The following COL18A1 variants were observed in gnomAD, a reference collection of about 807,000 sequenced individuals.
COL18A1 encodes collagen type XVIII alpha 1 chain.
Under a neutral mutation model 168.0 loss-of-function variants are expected in COL18A1, and 133 were observed. The ratio of observed to expected loss-of-function variants is 0.79; its 90% CI spans 0.69 to 0.91. The LOEUF (loss-of-function observed/expected upper bound fraction) is 0.91, where lower values mean the gene tolerates loss of function less well. Ranked by LOEUF, COL18A1 falls within the 40% of genes least tolerant of loss-of-function variation. COL18A1 has a pLI of 0.00. For synonymous variants in COL18A1, 949 were observed against 809.0 expected (o/e 1.17, Z -2.94); for missense variants, 2,126 against 1,925.4 (o/e 1.10, Z -1.95).
intron 2 of COL18A1, among the ~76,000 whole-genome samples, chr21:45,458,652 A>AGT (rs2034932268): frequency 1.3e-5 from 2 of 152,010 alleles, no homozygotes; most frequent in South Asian, 4.2e-4. Context: ...GACTGGAGGG[A>AGT]CCCGGGTCCG....
At chr21:45,501,465 A>G (rs1186672720) in intron 32 of COL18A1, among the ~76,000 whole-genome samples, 1 of 152,136 alleles carries the variant, frequency 6.6e-6, no homozygotes, top group Non-Finnish European at 1.5e-5. Flanking sequence ...TGACCCCACG[A>G]GTGCAGTAGA....
intron 2 of COL18A1, among the ~76,000 whole-genome samples, chr21:45,450,478 C>T (rs1010095493): frequency 6.6e-6 from 1 of 152,224 alleles, no homozygotes; most frequent in African/African-American, 2.4e-5. Flanking sequence ...TTGGGGCCTT[C>T]AGCCCGGAAA....
intron 14 of COL18A1, 51 bp from the exon 15 acceptor site, chr21:45,482,744 C>A: frequency 6.2e-7 from 1 of 1,614,146 alleles, no homozygotes; most frequent in Middle Eastern, 1.6e-4. Flanking sequence ...CTTCCTCTGT[C>A]CACTGTGCTG....
In COL18A1 at chr21:45,480,783, C is replaced by T. The variant is rs1442957264; in HGVS notation, c.1536C>T (p.Ser512=). The part of the protein sequence containing the change: ...PGEPGRFGVN[S]SDVPGPAGLP... ...AGCCAGGCCGCTTTGGGGTGAACAG[C>T]TCCGACGTCCCAGGACCCGCCGGCC... Residue 512 remains serine, a synonymous_variant, in exon 13 of 42, where the codon AGC becomes AGT. Coordinates refer to ENST00000651438, the MANE Select transcript of COL18A1 (RefSeq NM_001379500.1). The T allele has an allele frequency of 1.9e-6, 3 of 1,611,400 alleles. No homozygotes were observed. Among genetic ancestry groups the T allele is most frequent in the South Asian group, 2.2e-5 (2 of 91,062 alleles).
chr21:45,504,505 C>A lies in COL18A1; in HGVS notation c.2817C>A (p.Gly939=). 3 of 1,390,270 alleles carry A rather than the reference C, an allele frequency of 2.2e-6. No homozygotes were observed. The highest frequency in any genetic ancestry group is 2.2e-4 in the Middle Eastern group (1 of 4,628). 86.1% of individuals were successfully genotyped at this position (1,390,270 alleles called of 1,614,324 possible). ...GTTTCTTCGGCTCCAGCCTGCCCGG[C>A]CCCCCCGGCCCCCCAGGCCCCCCAG... ...GGGFFGSSLP[G]PPGPPGPPGP... is the part of the protein sequence containing the mutation. Residue 939 remains glycine, a synonymous_variant, in exon 34 of 42, where the codon GGC becomes GGA. Coordinates refer to ENST00000651438, the MANE Select transcript of COL18A1 (RefSeq NM_001379500.1).
At chr21:45,428,516 G>A (rs183017056) in intron 2 of COL18A1, among the ~76,000 whole-genome samples, 18 of 152,290 alleles carry the variant, frequency 1.2e-4, no homozygotes, top group Admixed American at 7.2e-4. Context: ...ATCTTAAAGC[G>A]AACAATTCGG....
chr21:45,511,260 A>C, intron 41 of COL18A1, 34 bp downstream of exon 41: 1 of 1,234,060 alleles, frequency 8.1e-7, no homozygotes, highest in Admixed American at 1.9e-5. Context: ...CAGCTCTGAG[A>C]GCCCCAGCCA....
intron 2 of COL18A1, among the ~76,000 whole-genome samples, chr21:45,416,564 G>A (rs548237948): frequency 2.0e-5 from 3 of 152,308 alleles, no homozygotes; most frequent in African/African-American, 7.2e-5. Flanking sequence ...TGGTCACCCA[G>A]CATCTCTTAG....
At chr21:45,480,358 A>G in intron 11 of COL18A1, 109 bp from the exon 12 acceptor site, 1 of 1,596,090 alleles carries the variant, frequency 6.3e-7, no homozygotes, top group Non-Finnish European at 8.6e-7. Flanking sequence ...GTGGTTTCTC[A>G]GCTCCTTGTA....
chr21:45,442,634 GGCTGGTGTGGGCAGCGGT>G (rs1241784424), intron 2 of COL18A1, among the ~76,000 whole-genome samples: 10 of 121,396 alleles, frequency 8.2e-5, no homozygotes, highest in East Asian at 2.7e-4. Flanking sequence ...TGGGCAGCGG[GGCTGGTGTGGGCAGCGGT>G]GCTGGTGTGG....
At chr21:45,426,136 G>C (rs112331505) in intron 2 of COL18A1, among the ~76,000 whole-genome samples, 5,349 of 151,986 alleles carry the variant, frequency 0.035, 282 homozygotes, top group African/African-American at 0.11. Flanking sequence ...ACAGAGTCTC[G>C]CTCTGTCGCC....
At chr21:45,477,996 C>G in intron 8 of COL18A1, 31 bp downstream of exon 8, 1 of 1,195,876 alleles carries the variant, frequency 8.4e-7, no homozygotes, top group Non-Finnish European at 1.2e-6. Flanking sequence ...GAGTCCGGCC[C>G]GGTCTGGAGG....
At position 45,505,711 on chromosome 21, in the gene COL18A1, C is replaced by T. The variant is rs974213581; in HGVS notation, c.3088-127C>T. On this transcript the variant is annotated intron_variant, in intron 36 of 41. Coordinates refer to ENST00000651438, the MANE Select transcript of COL18A1 (RefSeq NM_001379500.1). ...CCCATGGTGCTCATGGGGGCAGCCGCCTCAGTCCACACCTGTCCAAAGCCC... is the reference window on the plus strand; with the variant it reads ...CCCATGGTGCTCATGGGGGCAGCCGTCTCAGTCCACACCTGTCCAAAGCCC... The T allele has an allele frequency of 1.0e-5, 8 of 801,384 alleles. No homozygotes were observed. The East Asian group carries it at 1.9e-4, about 19-fold the overall frequency. The allele number at this position is 801,384 out of a possible 1,614,324, so 49.6% of individuals were successfully genotyped here.
rs116620206 is a variant in COL18A1 at position 45,500,181 on chromosome 21, G to A, written c.2683+2520G>A. ...TGGGTGTGTAGTGTGGGGGTGTATA[G>A]TGTGGGTGTGTGTGGAGTGTGTGTG... On this transcript the variant is annotated intron_variant, in intron 32 of 41. Transcript: ENST00000651438. Among the ~76,000 whole-genome samples, 1,319 of 132,146 alleles carry A rather than the reference G, an allele frequency of 1.0e-2. 23 individuals carry two copies. Among genetic ancestry groups the A allele is most frequent in the African/African-American group, 0.035 (1,223 of 35,202 alleles). 86.7% of individuals were successfully genotyped at this position (132,146 alleles called of 152,430 possible). A position where few individuals can be genotyped will look rare whatever the true frequency, so the allele number is the denominator to read the frequency against.
At chr21:45,407,149 A>G (rs570681563) in intron 2 of COL18A1, among the ~76,000 whole-genome samples, 91 of 152,376 alleles carry the variant, frequency 6.0e-4, no homozygotes, top group African/African-American at 2.1e-3. Context: ...CAGTCCTTGC[A>G]GGACCAAGTC....
At chr21:45,455,680 G>T (rs1298046283) in intron 2 of COL18A1, 1 of 1,613,774 alleles carries the variant, frequency 6.2e-7, no homozygotes, top group East Asian at 2.2e-5. Flanking sequence ...AGCCCCAGGG[G>T]CCCCTGCCTG....
intron 2 of COL18A1, among the ~76,000 whole-genome samples, chr21:45,438,183 C>G (rs1418509036): frequency 1.5e-5 from 2 of 129,338 alleles, no homozygotes; most frequent in Admixed American, 7.3e-5. Context: ...CACACTCACA[C>G]TCAGACACAC....
intron 13 of COL18A1, 63 bp downstream of exon 13, chr21:45,480,921 C>A: frequency 6.5e-7 from 1 of 1,548,066 alleles, no homozygotes; most frequent in East Asian, 2.4e-5. Flanking sequence ...GGGTGAACAC[C>A]CCACATGGGA....
In COL18A1 at chr21:45,503,681, A is replaced by G. The variant is rs866927327; in HGVS notation, c.2684-330A>G. On this transcript the variant is annotated intron_variant, in intron 32 of 41. Transcript: ENST00000651438. ...GGGATAGCATTGGGAGATATACCTA[A>G]TGCTAGATGACGAGTTAGTGGGTGC... Among the ~76,000 whole-genome samples, 22 of 151,276 alleles carry G rather than the reference A, an allele frequency of 1.5e-4. No homozygotes were observed. The East Asian group carries it at 3.1e-3, about 22-fold the overall frequency.
Sources: gnomAD v4.1 joint callset for allele counts (sites outside exome capture counted in the v4.1 genomes callset) on GRCh38, gnomAD v4.1.1 for gene constraint, MANE v1.5 for transcripts, NCBI Gene and HGNC (gene_info 2026-07-23, HGNC 2026-07-21) for gene names.